Variants in ENOX1 observed in about 807,000 individuals in gnomAD.
ENOX1 encodes candidate growth-related and time keeping constitutive hydroquinone (NADH) oxidase.
A neutral mutation model predicts 82.5 loss-of-function variants in ENOX1; 42 were observed. The observed-to-expected ratio is 0.51, with a 90% CI of 0.40 to 0.66. The LOEUF (loss-of-function observed/expected upper bound fraction) is 0.66. ENOX1 is among the 30% of genes least tolerant of loss of function. ENOX1 has a pLI of 0.00. For missense variants in ENOX1, 608 were observed against 811.6 expected (o/e 0.75, Z 3.05); for synonymous variants, 271 against 282.2 (o/e 0.96, Z 0.40).
At chr13:43,585,040 A>G (rs2080915305) in intron 2 of ENOX1, among the ~76,000 whole-genome samples, 1 of 152,212 alleles carries the variant, frequency 6.6e-6, no homozygotes. Flanking sequence ...ATAAGGCAAA[A>G]AGGATTATGC....
At chr13:43,534,226 A>C (rs1038678080) in intron 2 of ENOX1, among the ~76,000 whole-genome samples, 4 of 152,064 alleles carry the variant, frequency 2.6e-5, no homozygotes, top group Admixed American at 2.0e-4. Context: ...TGGGTCCTTA[A>C]CCAGGCTCCT....
chr13:43,265,260 G>T, intron 14 of ENOX1, 138 bp downstream of exon 14: 1 of 637,422 alleles, frequency 1.6e-6, no homozygotes, highest in Non-Finnish European at 2.6e-6. Flanking sequence ...ACATTTTCTT[G>T]CCAAACCCAT....
At chr13:43,645,416 A>G (rs1044424077) in intron 2 of ENOX1, among the ~76,000 whole-genome samples, 3 of 152,240 alleles carry the variant, frequency 2.0e-5, no homozygotes, top group South Asian at 2.1e-4. Context: ...ACCAGAGCCT[A>G]CCAAAGTGCT....
intron 2 of ENOX1, among the ~76,000 whole-genome samples, chr13:43,587,249 G>C: frequency 6.6e-6 from 1 of 152,096 alleles, no homozygotes; most frequent in Non-Finnish European, 1.5e-5. Context: ...TCCTTTCTTG[G>C]TTATAAAGAA....
chr13:43,730,115 C>G (rs1392502771), intron 1 of ENOX1, among the ~76,000 whole-genome samples: 4 of 152,198 alleles, frequency 2.6e-5, no homozygotes, highest in African/African-American at 9.7e-5. Context: ...GGAGCAATCT[C>G]TTCTACTCTC....
At chr13:43,780,758 C>T (rs1476907082) in intron 1 of ENOX1, among the ~76,000 whole-genome samples, 1 of 152,248 alleles carries the variant, frequency 6.6e-6, no homozygotes, top group East Asian at 1.9e-4. Context: ...ACTCTGGGCT[C>T]TATCCCTTAC....
intron 12 of ENOX1, among the ~76,000 whole-genome samples, chr13:43,297,853 C>A (rs1406613072): frequency 3.3e-5 from 5 of 152,220 alleles, no homozygotes; most frequent in Non-Finnish European, 5.9e-5. Flanking sequence ...CATCAACAAA[C>A]ACTTCTTAAA....
Position 43,775,090 on chromosome 13 carries a change from C to T in ENOX1, c.-285+11562G>A, listed in dbSNP as rs1012004786. ...CTTAAACTCCTGACCTCAAGTGATC[C>T]GCCAACCTCGGCCTCCCAAAGTGCT... On this transcript the variant is annotated intron_variant, in intron 1 of 16. Transcript: ENST00000690772. 3.9e-5 allele frequency among the ~76,000 whole-genome samples: 6 copies of T among 152,180 alleles called. No homozygotes were observed. The East Asian group carries it at 7.7e-4, about 20-fold the overall frequency.
chr13:43,470,522 A>T (rs2058025011), intron 3 of ENOX1, among the ~76,000 whole-genome samples: 1 of 149,538 alleles, frequency 6.7e-6, no homozygotes, highest in Non-Finnish European at 1.5e-5. Context: ...TCTGCTCATC[A>T]AAAGACATCA....
At chr13:43,492,899 A>T (rs1195980196) in intron 2 of ENOX1, among the ~76,000 whole-genome samples, 2 of 152,210 alleles carry the variant, frequency 1.3e-5, no homozygotes, top group African/African-American at 4.8e-5. Context: ...TTTAATTAGT[A>T]GACACTGAGT....
At chr13:43,421,834 T>C (rs1183510017) in intron 3 of ENOX1, among the ~76,000 whole-genome samples, 1 of 150,150 alleles carries the variant, frequency 6.7e-6, no homozygotes, top group African/African-American at 2.4e-5. Flanking sequence ...TAAATATATA[T>C]ATAATATAGT....
At chr13:43,728,042 T>G (rs949752421) in intron 1 of ENOX1, among the ~76,000 whole-genome samples, 1 of 152,216 alleles carries the variant, frequency 6.6e-6, no homozygotes, top group African/African-American at 2.4e-5. Flanking sequence ...CTGCCAGAAT[T>G]TAATACCCCT....
intron 12 of ENOX1, among the ~76,000 whole-genome samples, chr13:43,279,226 C>T (rs747890382): frequency 1.7e-4 from 26 of 152,176 alleles, no homozygotes; most frequent in Non-Finnish European, 3.5e-4. Flanking sequence ...TATACTATAT[C>T]CCAATATGGC....
intron 2 of ENOX1, among the ~76,000 whole-genome samples, chr13:43,493,341 C>T: frequency 6.6e-6 from 1 of 152,162 alleles, no homozygotes; most frequent in East Asian, 1.9e-4. Context: ...ACAAGAGAAG[C>T]TGATAGCAAG....
At chr13:43,486,724 G>A (rs1027247234) in intron 2 of ENOX1, among the ~76,000 whole-genome samples, 2 of 152,202 alleles carry the variant, frequency 1.3e-5, no homozygotes, top group Non-Finnish European at 2.9e-5. Context: ...ATTACTTCCT[G>A]GCTGTATGAC....
chr13:43,527,898 C>A (rs2078050641), intron 2 of ENOX1, among the ~76,000 whole-genome samples: 1 of 152,034 alleles, frequency 6.6e-6, no homozygotes, highest in Non-Finnish European at 1.5e-5. Context: ...ATTAAGTAAA[C>A]ACAATACAAA....
At chr13:43,392,176 G>A (rs1224876702) in intron 5 of ENOX1, among the ~76,000 whole-genome samples, 1 of 152,062 alleles carries the variant, frequency 6.6e-6, no homozygotes, top group Non-Finnish European at 1.5e-5. Context: ...TCCCCCTTAT[G>A]GTCTATTATT....
chr13:43,745,926 T>C (rs1949998015), intron 1 of ENOX1, among the ~76,000 whole-genome samples: 1 of 152,194 alleles, frequency 6.6e-6, no homozygotes, highest in Non-Finnish European at 1.5e-5. Flanking sequence ...GTAAGTTTCC[T>C]GAGGCCTCCC....
intron 2 of ENOX1, among the ~76,000 whole-genome samples, chr13:43,624,804 A>G (rs1049738845): frequency 6.6e-6 from 1 of 152,092 alleles, no homozygotes; most frequent in Non-Finnish European, 1.5e-5. Flanking sequence ...CTGTATCTAC[A>G]TAATCTCATA....
Sources: gnomAD v4.1 joint callset for allele counts (sites outside exome capture counted in the v4.1 genomes callset) on GRCh38, gnomAD v4.1.1 for gene constraint, MANE v1.5 for transcripts, NCBI Gene and HGNC (gene_info 2026-07-23, HGNC 2026-07-21) for gene names.